Variants in NOX4 observed in about 807,000 individuals in gnomAD.
NOX4 encodes the protein kidney oxidase-1.
In NOX4, 69 loss-of-function variants were observed where a neutral mutation model predicts 87.6. That is an observed-to-expected ratio of 0.79 (90% CI 0.65 to 0.96). The LOEUF (loss-of-function observed/expected upper bound fraction) is 0.96. Among genes scored for constraint, NOX4 ranks in the 40% least tolerant of loss-of-function variants. NOX4 has a pLI of 0.00. For synonymous variants in NOX4, 275 were observed against 238.2 expected (o/e 1.15, Z -1.42); for missense variants, 680 against 681.5 (o/e 1.00, Z 0.02).
At position 89,471,827 on chromosome 11, in the gene NOX4, C is replaced by T. The variant is rs146028278; in HGVS notation, c.153+18631G>A. On this transcript the variant is annotated intron_variant, in intron 2 of 17. Coordinates refer to ENST00000263317, the MANE Select transcript of NOX4 (RefSeq NM_016931.5). ...TGCAATCTCAGCTCACTGCAACCTC[C>T]GCCTCCTGGGTTCAAGCTATTCTTC... is the stretch of plus-strand genomic sequence containing the variant. Among the ~76,000 whole-genome samples, 928 of 152,246 alleles carry T rather than the reference C, an allele frequency of 6.1e-3. 9 individuals are homozygous for T. The highest frequency in any genetic ancestry group is 0.021 in the African/African-American group (867 of 41,542).
chr11:89,405,373 C>G (rs1317765925), intron 8 of NOX4, among the ~76,000 whole-genome samples: 2 of 151,978 alleles, frequency 1.3e-5, no homozygotes, highest in Non-Finnish European at 2.9e-5. Context: ...TTCAGCTACA[C>G]TCAAGCTAAA....
At chr11:89,502,257 G>T (rs989106072), upstream of NOX4, among the ~76,000 whole-genome samples, 1 of 151,984 alleles carries the variant, frequency 6.6e-6, no homozygotes, top group Non-Finnish European at 1.5e-5. Context: ...AGAACCCCAC[G>T]AGTCTTATCG....
chr11:89,406,341 T>C (rs1352961922), intron 8 of NOX4, among the ~76,000 whole-genome samples: 1 of 152,186 alleles, frequency 6.6e-6, no homozygotes, highest in South Asian at 2.1e-4. Flanking sequence ...TTTTATGGTG[T>C]TTTAAATTCC....
the NOX4 span, among the ~76,000 whole-genome samples, chr11:89,503,278 C>T: frequency 6.6e-6 from 1 of 151,896 alleles, no homozygotes; most frequent in Non-Finnish European, 1.5e-5. Context: ...CAACTAGACT[C>T]TCCCATACAG....
chr11:89,366,853 GTATT>G, intron 12 of NOX4, among the ~76,000 whole-genome samples: 1 of 152,056 alleles, frequency 6.6e-6, no homozygotes, highest in African/African-American at 2.4e-5. Flanking sequence ...TATTTCTGTA[GTATT>G]TTAAGTGAGC....
intron 2 of NOX4, among the ~76,000 whole-genome samples, chr11:89,458,536 T>C (rs1246948192): frequency 1.3e-5 from 2 of 152,038 alleles, no homozygotes; most frequent in Admixed American, 1.3e-4. Flanking sequence ...TGGATGAAAA[T>C]ATTTGAAAAC....
At chr11:89,492,140 T>C (rs938797220), upstream of NOX4, 7 of 152,230 alleles carry the variant, frequency 4.6e-5, no homozygotes, top group East Asian at 1.9e-4. Flanking sequence ...TTGTAAGTAA[T>C]AGGAATCCTC....
intron 2 of NOX4, 53 bp downstream of exon 2, chr11:89,490,405 G>A: frequency 2.5e-6 from 3 of 1,205,514 alleles, no homozygotes; most frequent in Non-Finnish European, 3.7e-6. Flanking sequence ...CTGTAGCAAT[G>A]TCTGCCAGTG....
intron 2 of NOX4, among the ~76,000 whole-genome samples, chr11:89,456,332 T>C (rs542775270): frequency 2.0e-5 from 3 of 152,152 alleles, no homozygotes; most frequent in South Asian, 2.1e-4. Context: ...TTTTGACAAA[T>C]ATAAATGCAC....
At chr11:89,359,004 C>T (rs567015011) in intron 12 of NOX4, among the ~76,000 whole-genome samples, 52 of 151,948 alleles carry the variant, frequency 3.4e-4, no homozygotes, top group African/African-American at 1.1e-3. Context: ...AATGTCTGAA[C>T]GTGATTTTCT....
At chr11:89,386,775 A>C (rs1249968548) in intron 11 of NOX4, among the ~76,000 whole-genome samples, 1 of 152,102 alleles carries the variant, frequency 6.6e-6, no homozygotes, top group Non-Finnish European at 1.5e-5. Flanking sequence ...ATAGAGCCCC[A>C]AAAACTCTCC....
In NOX4 at chr11:89,380,439, G is replaced by A. The variant is rs571139543; in HGVS notation, c.1075-6947C>T. On this transcript the variant is annotated intron_variant, in intron 11 of 17. Coordinates refer to ENST00000263317, the MANE Select transcript of NOX4 (RefSeq NM_016931.5). ...GTGCTTAAATCAACAATCAAAAGATGGTTGATTTAAGAGAATGAGAGGAAA... is the reference window on the plus strand; with the variant it reads ...GTGCTTAAATCAACAATCAAAAGATAGTTGATTTAAGAGAATGAGAGGAAA... Among the ~76,000 whole-genome samples the A allele has an allele frequency of 5.3e-5, 8 of 152,190 alleles. No individual in the cohort carries two copies. The East Asian group carries it at 1.5e-3, about 29-fold the overall frequency.
At chr11:89,565,955 T>TA in the NOX4 span, among the ~76,000 whole-genome samples, 1 of 152,162 alleles carries the variant, frequency 6.6e-6, no homozygotes, top group Admixed American at 6.5e-5. Context: ...CTGTACTTTT[T>TA]ATGTATTGCT....
intron 2 of NOX4, among the ~76,000 whole-genome samples, chr11:89,474,237 G>C (rs376750086): frequency 2.0e-5 from 3 of 151,836 alleles, no homozygotes; most frequent in East Asian, 3.9e-4. Context: ...GTTTCCAAAT[G>C]TTACAAAAAA....
chr11:89,504,053 T>A, the NOX4 span, among the ~76,000 whole-genome samples: 1 of 151,514 alleles, frequency 6.6e-6, no homozygotes, highest in Non-Finnish European at 1.5e-5. Flanking sequence ...TAACAAAATC[T>A]TCGTAGTCTT....
chr11:89,418,504 T>C (rs1942914544), intron 8 of NOX4, among the ~76,000 whole-genome samples: 3 of 150,498 alleles, frequency 2.0e-5, no homozygotes, highest in Non-Finnish European at 3.0e-5. Flanking sequence ...GAGCAAATGT[T>C]AGTAAAAGAG....
At chr11:89,459,283 CA>C (rs2135410155) in intron 2 of NOX4, among the ~76,000 whole-genome samples, 1 of 151,926 alleles carries the variant, frequency 6.6e-6, no homozygotes, top group South Asian at 2.1e-4. Flanking sequence ...ACAACAGACA[CA>C]GGGGTCTACT....
the NOX4 span, among the ~76,000 whole-genome samples, chr11:89,578,255 G>A: frequency 6.6e-6 from 1 of 151,442 alleles, no homozygotes; most frequent in Non-Finnish European, 1.5e-5. Context: ...TCTGCCTCCC[G>A]GGTTCAAGCA....
chr11:89,449,831 G>A (rs556049594), intron 3 of NOX4, among the ~76,000 whole-genome samples: 6 of 151,770 alleles, frequency 4.0e-5, no homozygotes, highest in South Asian at 4.2e-4. Flanking sequence ...AGATGTTAAC[G>A]TATCTGCAGG....
Sources: allele counts gnomAD v4.1 joint callset (sites outside exome capture counted in the v4.1 genomes callset), GRCh38; gene constraint gnomAD v4.1.1; transcripts MANE v1.5; gene names NCBI Gene and HGNC (gene_info 2026-07-23, HGNC 2026-07-21).